CCSER1: variants seen among roughly 807,000 people sequenced by gnomAD.
The protein encoded by CCSER1 is serine-rich coiled-coil domain-containing protein 1.
A neutral mutation model predicts 82.0 loss-of-function variants in CCSER1; 41 were observed. The observed-to-expected ratio is 0.50, with a 90% CI of 0.39 to 0.65. The LOEUF (loss-of-function observed/expected upper bound fraction) is 0.65. Ranked by LOEUF, CCSER1 falls within the 30% of genes least tolerant of loss-of-function variation. The pLI is 0.00. For synonymous variants in CCSER1, 414 were observed against 383.9 expected (o/e 1.08, Z -0.92); for missense variants, 1,119 against 1,064.2 (o/e 1.05, Z -0.72).
In CCSER1 at chr4:90,793,466, A is replaced by G. The variant is rs142663003; in HGVS notation, c.2011-22296A>G. Among the ~76,000 whole-genome samples the G allele has an allele frequency of 4.5e-4, 69 of 152,192 alleles. 1 individual carries two copies. The East Asian group carries it at 0.011, about 25-fold the overall frequency. On this transcript the variant is annotated intron_variant, in intron 7 of 10. Coordinates refer to ENST00000509176, the MANE Select transcript of CCSER1 (RefSeq NM_001145065.2). Reference sequence around the variant, plus strand: ...TTTCTTTTCCTTTTTTGTTGAGGATAATGGCCTCCATCCATGTTACTGCAA... The same window carrying G: ...TTTCTTTTCCTTTTTTGTTGAGGATGATGGCCTCCATCCATGTTACTGCAA...
intron 3 of CCSER1, among the ~76,000 whole-genome samples, chr4:90,319,453 T>C (rs1811543): frequency 0.66 from 99,975 of 151,982 alleles, 34,383 homozygotes; most frequent in African/African-American, 0.86. Flanking sequence ...AGATCAAGAC[T>C]ATCCTGGCTA....
intron 3 of CCSER1, among the ~76,000 whole-genome samples, chr4:90,347,514 C>G (rs1366413494): frequency 6.6e-6 from 1 of 152,188 alleles, no homozygotes; most frequent in Non-Finnish European, 1.5e-5. Context: ...ATAAACAATT[C>G]ATGCTTTAAA....
chr4:90,313,118 A>C, intron 3 of CCSER1, 71 bp downstream of exon 3: 1 of 1,211,908 alleles, frequency 8.3e-7, no homozygotes, highest in Non-Finnish European at 1.2e-6. Context: ...TGTCTCTTGC[A>C]AAATGAACAC....
chr4:91,468,295 T>C (rs1456253405), intron 10 of CCSER1, among the ~76,000 whole-genome samples: 1 of 152,020 alleles, frequency 6.6e-6, no homozygotes, highest in Non-Finnish European at 1.5e-5. Context: ...TAGGTGGGAA[T>C]TGAACAATGA....
At chr4:91,258,755 T>G (rs183390499) in intron 10 of CCSER1, among the ~76,000 whole-genome samples, 41 of 152,162 alleles carry the variant, frequency 2.7e-4, no homozygotes, top group Non-Finnish European at 5.3e-4. Flanking sequence ...ATGCTTATTT[T>G]TATAGACTTA....
chr4:90,396,349 G>T (rs1202813196), intron 3 of CCSER1, among the ~76,000 whole-genome samples: 2 of 152,066 alleles, frequency 1.3e-5, no homozygotes, highest in Non-Finnish European at 2.9e-5. Flanking sequence ...GTGCTAAACA[G>T]TTTTTTCTAT....
chr4:91,355,852 C>T (rs1310916862), intron 10 of CCSER1, among the ~76,000 whole-genome samples: 2 of 152,190 alleles, frequency 1.3e-5, no homozygotes, highest in African/African-American at 4.8e-5. Context: ...TAAACAGAGT[C>T]TAACACCTCT....
At chr4:90,732,056 T>TCTCTCTCTCTCTCACTCTCA (rs761678318) in intron 7 of CCSER1, among the ~76,000 whole-genome samples, 1 of 144,710 alleles carries the variant, frequency 6.9e-6, no homozygotes, top group Non-Finnish European at 1.5e-5. Context: ...TCTCTCTCTC[T>TCTCTCTCTCTCTCACTCTCA]CTCTCACTGC....
chr4:91,400,627 C>T (rs1752257267), intron 10 of CCSER1, among the ~76,000 whole-genome samples: 1 of 150,538 alleles, frequency 6.6e-6, no homozygotes, highest in South Asian at 2.1e-4. Context: ...CTTTGGAACA[C>T]TATTTGTAGT....
chr4:91,200,932 A>G (rs1735857881), intron 10 of CCSER1, among the ~76,000 whole-genome samples: 1 of 151,476 alleles, frequency 6.6e-6, no homozygotes, highest in Non-Finnish European at 1.5e-5. Flanking sequence ...TCTTTTACAA[A>G]ATCTAGTTGA....
intron 1 of CCSER1, among the ~76,000 whole-genome samples, chr4:90,252,342 G>A (rs960547103): frequency 6.6e-6 from 1 of 151,870 alleles, no homozygotes. Flanking sequence ...CATTGCTTAA[G>A]TTGCATCTCA....
chr4:90,740,663 A>T lies in CCSER1; in HGVS notation c.2010+16672A>T, dbSNP rs572821252. Among the ~76,000 whole-genome samples, 140 of 152,276 alleles carry T rather than the reference A, an allele frequency of 9.2e-4. 1 individual carries two copies. Among genetic ancestry groups the T allele is most frequent in the Middle Eastern group, 3.4e-3 (1 of 294 alleles). ...ATTAATACATACTAAAAATAATGGC[A>T]TACCTCTTCTTCCTTCTACAGTTCA... is the stretch of plus-strand genomic sequence containing the variant. On this transcript the variant is annotated intron_variant, in intron 7 of 10. Transcript: ENST00000509176.
intron 10 of CCSER1, among the ~76,000 whole-genome samples, chr4:91,399,918 A>C (rs533750766): frequency 6.6e-6 from 1 of 151,924 alleles, no homozygotes; most frequent in African/African-American, 2.4e-5. Flanking sequence ...TCACTTTCCT[A>C]TTTTTATAAA....
rs568897717 is a variant in CCSER1 at position 90,169,872 on chromosome 4, A to G, written c.-42+42041A>G. ...TCACGTTTTATTCTTAGTTCTAGGC[A>G]TAAACCTTTTCATGCCATTTTCCAG... On this transcript the variant is annotated intron_variant, in intron 1 of 10. Transcript: ENST00000509176. Among the ~76,000 whole-genome samples the G allele has an allele frequency of 3.8e-3, 585 of 152,030 alleles. 3 individuals carry two copies. The highest frequency in any genetic ancestry group is 6.5e-3 in the Non-Finnish European group (444 of 67,926).
At chr4:91,415,707 A>G (rs1753319217) in intron 10 of CCSER1, among the ~76,000 whole-genome samples, 1 of 152,196 alleles carries the variant, frequency 6.6e-6, no homozygotes, top group African/African-American at 2.4e-5. Context: ...GTGATGAATT[A>G]CATTTATTGC....
chr4:90,815,908 C>G, intron 8 of CCSER1, 63 bp downstream of exon 8: 1 of 1,062,038 alleles, frequency 9.4e-7, no homozygotes, highest in Non-Finnish European at 1.4e-6. Context: ...TGTTCCACGC[C>G]CTTATTTATT....
chr4:90,263,374 A>C (rs896394968), intron 1 of CCSER1, among the ~76,000 whole-genome samples: 4 of 152,174 alleles, frequency 2.6e-5, no homozygotes, highest in Non-Finnish European at 5.9e-5. Context: ...GTCTCCCAGC[A>C]TTGGGAAGCA....
chr4:91,587,154 T>C (rs1764039906), intron 10 of CCSER1, among the ~76,000 whole-genome samples: 1 of 151,748 alleles, frequency 6.6e-6, no homozygotes, highest in African/African-American at 2.4e-5. Flanking sequence ...GTTGATTTCT[T>C]AGAGAATTCA....
At chr4:90,181,428 C>G (rs1408244850) in intron 1 of CCSER1, among the ~76,000 whole-genome samples, 1 of 152,018 alleles carries the variant, frequency 6.6e-6, no homozygotes, top group Non-Finnish European at 1.5e-5. Context: ...TGGAAGTAAG[C>G]CAGACAAAAA....
Sources: gnomAD v4.1 joint callset for allele counts (sites outside exome capture counted in the v4.1 genomes callset) on GRCh38, gnomAD v4.1.1 for gene constraint, MANE v1.5 for transcripts, NCBI Gene and HGNC (gene_info 2026-07-23, HGNC 2026-07-21) for gene names.